Variants in HS6ST1 observed in about 807,000 individuals in gnomAD.
The protein encoded by HS6ST1 is heparan sulfate 6-O-sulfotransferase 1, also known as heparan-sulfate 6-O-sulfotransferase 1.
Under a neutral mutation model 25.2 loss-of-function variants are expected in HS6ST1, and 3 were observed. The observed-to-expected ratio is 0.12, with a 90% CI of 0.05 to 0.31. HS6ST1 has a LOEUF of 0.31. HS6ST1 is among the 10% of genes least tolerant of loss of function. The pLI is 1.00. For missense variants in HS6ST1, 310 were observed against 609.6 expected, an observed-to-expected ratio of 0.51 and a Z score of 5.18; for synonymous variants, 204 against 275.1, an observed-to-expected ratio of 0.74 and a Z score of 2.56.
chr2:128,289,196 C>T (rs1428563127), intron 1 of HS6ST1, among the ~76,000 whole-genome samples: 2 of 152,092 alleles, frequency 1.3e-5, no homozygotes, highest in African/African-American at 4.8e-5. Context: ...GCTCTACTTA[C>T]AAGGAGGGCG....
intron 1 of HS6ST1, among the ~76,000 whole-genome samples, chr2:128,308,948 C>G (rs1020928269): frequency 2.6e-5 from 4 of 152,190 alleles, no homozygotes; most frequent in African/African-American, 9.7e-5. Context: ...GTACAGAGGC[C>G]ACAGTGGAAC....
chr2:128,279,655 TGC>T (rs1693749468), intron 1 of HS6ST1, among the ~76,000 whole-genome samples: 1 of 152,122 alleles, frequency 6.6e-6, no homozygotes, highest in African/African-American at 2.4e-5. Flanking sequence ...GGCACGGTGA[TGC>T]ACACCTCCAG....
chr2:128,273,926 T>C (rs1351349701), intron 1 of HS6ST1, among the ~76,000 whole-genome samples: 4 of 151,928 alleles, frequency 2.6e-5, no homozygotes, highest in Admixed American at 1.3e-4. Flanking sequence ...GGCTCATGGC[T>C]CAGAGGTTTG....
intron 1 of HS6ST1, among the ~76,000 whole-genome samples, chr2:128,316,336 G>A (rs965456565): frequency 6.6e-6 from 1 of 152,224 alleles, no homozygotes; most frequent in Admixed American, 6.5e-5. Flanking sequence ...ATCCTCTTAG[G>A]CTGCCGAGCT....
At chr2:128,293,980 C>T (rs17179479) in intron 1 of HS6ST1, among the ~76,000 whole-genome samples, 27,040 of 152,122 alleles carry the variant, frequency 0.18, 2,647 homozygotes, top group Non-Finnish European at 0.21. Flanking sequence ...GCTGAGACCA[C>T]GCTGCAGGGA....
At chr2:128,293,185 C>G (rs1337206413) in intron 1 of HS6ST1, among the ~76,000 whole-genome samples, 3 of 152,258 alleles carry the variant, frequency 2.0e-5, no homozygotes, top group Admixed American at 6.5e-5. Flanking sequence ...CCCGCACACC[C>G]TGTCTCCTGC....
chr2:128,284,387 C>A (rs944766490), intron 1 of HS6ST1, among the ~76,000 whole-genome samples: 6 of 152,304 alleles, frequency 3.9e-5, no homozygotes, highest in Admixed American at 3.3e-4. Flanking sequence ...TCTCTGCCAT[C>A]CCTCCCACAT....
chr2:128,308,682 C>T (rs1390232958), intron 1 of HS6ST1, among the ~76,000 whole-genome samples: 1 of 152,198 alleles, frequency 6.6e-6, no homozygotes, highest in Non-Finnish European at 1.5e-5. Flanking sequence ...GTCCCAAGGC[C>T]ATAGCCCAAG....
intron 1 of HS6ST1, among the ~76,000 whole-genome samples, chr2:128,295,652 T>C (rs1472127715): frequency 1.3e-5 from 2 of 152,190 alleles, no homozygotes; most frequent in African/African-American, 4.8e-5. Context: ...TTGAACAGCA[T>C]ATAAAAATGA....
chr2:128,284,860 G>A (rs185529375), intron 1 of HS6ST1, among the ~76,000 whole-genome samples: 12 of 152,282 alleles, frequency 7.9e-5, no homozygotes, highest in Non-Finnish European at 1.5e-5. Context: ...AGCCAGAAAC[G>A]GAGAGGGACC....
intron 1 of HS6ST1, among the ~76,000 whole-genome samples, chr2:128,278,910 C>T (rs532458095): frequency 6.6e-6 from 1 of 152,100 alleles, no homozygotes; most frequent in Non-Finnish European, 1.5e-5. Context: ...CCAAATGTGA[C>T]CATAACATTT....
At chr2:128,278,303 G>A (rs184685801) in intron 1 of HS6ST1, among the ~76,000 whole-genome samples, 1 of 152,236 alleles carries the variant, frequency 6.6e-6, no homozygotes, top group Non-Finnish European at 1.5e-5. Flanking sequence ...ACTCATGCCT[G>A]CATCTTCTTA....
rs185906970 is a variant in HS6ST1, at chr2:128,275,714, C to T, written c.528-6844G>A. On this transcript the variant is annotated intron_variant, in intron 1 of 1. Transcript: ENST00000259241. ...AAAGCCGGGCAGCAGCAAGAGTAGG[C>T]ACGAATGCAGGGCGATCTGCTTACG... Among the ~76,000 whole-genome samples the T allele has an allele frequency of 2.0e-5, 3 of 152,322 alleles. No individual in the cohort carries two copies. In the East Asian group the frequency reaches 5.8e-4, roughly 29 times the overall value.
chr2:128,294,844 A>C (rs1694017482), intron 1 of HS6ST1, among the ~76,000 whole-genome samples: 1 of 152,012 alleles, frequency 6.6e-6, no homozygotes, highest in Non-Finnish European at 1.5e-5. Flanking sequence ...CTGCTTCCTG[A>C]AACTCCTTCC....
chr2:128,288,594 A>T (rs1693902602), intron 1 of HS6ST1, among the ~76,000 whole-genome samples: 1 of 152,224 alleles, frequency 6.6e-6, no homozygotes, highest in Non-Finnish European at 1.5e-5. Flanking sequence ...AACCCGCGCC[A>T]GGTGCCCTGG....
chr2:128,292,185 CCA>C (rs1442108054), intron 1 of HS6ST1, among the ~76,000 whole-genome samples: 1 of 152,210 alleles, frequency 6.6e-6, no homozygotes, highest in African/African-American at 2.4e-5. Flanking sequence ...CCTCTCAGTG[CCA>C]CAGAGACCAC....
chr2:128,297,152 T>C (rs1399243325), intron 1 of HS6ST1, among the ~76,000 whole-genome samples: 1 of 152,166 alleles, frequency 6.6e-6, no homozygotes, highest in Non-Finnish European at 1.5e-5. Flanking sequence ...TACAAAGCTA[T>C]GGTAGTCAAA....
At chr2:128,307,308 T>C (rs840892) in intron 1 of HS6ST1, among the ~76,000 whole-genome samples, 104,308 of 152,012 alleles carry the variant, frequency 0.69, 37,197 homozygotes, top group African/African-American at 0.88. Flanking sequence ...TCTGTCCACC[T>C]GCTCACACTA....
chr2:128,268,353 C>G lies in HS6ST1; in HGVS notation c.1045G>C (p.Asp349His). The stretch of plus-strand genomic sequence containing the variant: ...TGCTGGAAGAGGTCCTTGGCGTAGT[C>G]GTACAGCTGCATGTCCAGGTCGTTG... Reference protein sequence around the residue: ...ELNDLDMQLYDYAKDLFQQRY... With the variant: ...ELNDLDMQLYHYAKDLFQQRY... The change falls in exon 2 of 2, where the codon GAC (aspartate) becomes CAC (histidine). Residue 349 changes from aspartate to histidine, a missense_variant. Physicochemically the swap from Asp to His is moderately conservative, Grantham distance 81 (BLOSUM62 -1). This residue lies in a region of HS6ST1 where 140 missense variants were observed against 176.5 expected (regional missense o/e 0.79). Transcript: ENST00000259241. 6.2e-7 allele frequency: 1 copy of G among 1,613,662 alleles called. No homozygotes were observed. The highest frequency in any genetic ancestry group is 8.5e-7 in the Non-Finnish European group (1 of 1,179,872).
Sources: gnomAD v4.1 joint callset for allele counts (sites outside exome capture counted in the v4.1 genomes callset) on GRCh38, gnomAD v4.1.1 for gene constraint, gnomAD v4.1.1 regional missense constraint, MANE v1.5 for transcripts, NCBI Gene and HGNC (gene_info 2026-07-23, HGNC 2026-07-21) for gene names.